Variants in SEMA5B observed in about 807,000 individuals in gnomAD.
The protein encoded by SEMA5B is semaphorin 5B.
In SEMA5B, 66 loss-of-function variants were observed where a neutral mutation model predicts 135.0. The observed-to-expected ratio is 0.49, with a 90% confidence interval of 0.40 to 0.60. The LOEUF is 0.60. SEMA5B is among the 20% of genes least tolerant of loss of function. The probability of loss-of-function intolerance (pLI) is 0.00; values close to 1 mark genes in which losing one functional copy is unlikely to be tolerated. For synonymous variants in SEMA5B, 690 were observed against 639.5 expected (o/e 1.08, Z -1.19); for missense variants, 1,501 against 1,566.3 (o/e 0.96, Z 0.70).
intron 3 of SEMA5B, among the ~76,000 whole-genome samples, chr3:122,946,630 C>T (rs1015863503): frequency 9.9e-5 from 15 of 152,114 alleles, no homozygotes; most frequent in African/African-American, 3.6e-4. Flanking sequence ...GGTCCAGGAC[C>T]AGAACCAGTA....
intron 1 of SEMA5B, among the ~76,000 whole-genome samples, chr3:123,005,724 G>T (rs1382546052): frequency 6.6e-6 from 1 of 152,172 alleles, no homozygotes; most frequent in East Asian, 1.9e-4. Context: ...GCCTGAGGGG[G>T]TCATTTGAGC....
At position 122,911,986 on chromosome 3, in the gene SEMA5B, G is replaced by A. The variant is rs368580014; in HGVS notation, c.2980C>T (p.Pro994Ser). Reference protein sequence around the residue: ...SRSRHCEELLPGSSACAGNSS... With the variant: ...SRSRHCEELLSGSSACAGNSS... The stretch of plus-strand genomic sequence containing the variant: ...TTTCCAGCACAGGCGCTGGACCCTG[G>A]GAGGAGCTCCTCACAGTGCCGGCTT... The change falls in exon 20 of 23, where the codon CCA (proline) becomes TCA (serine). Residue 994 changes from proline (P) to serine (S), a missense_variant. Pro to Ser is a moderately conservative substitution (Grantham distance 74). Around this residue, in one of 2 missense-constraint regions of SEMA5B, gnomAD observed 927 missense variants for 881.6 expected, o/e 1.05. Transcript: ENST00000357599. 9 of 1,613,282 alleles carry A rather than the reference G, an allele frequency of 5.6e-6. No individual in the cohort carries two copies. In the African/African-American group the frequency reaches 9.3e-5, roughly 17 times the overall value.
intron 1 of SEMA5B, among the ~76,000 whole-genome samples, chr3:122,997,832 C>A (rs1355009900): frequency 6.6e-6 from 1 of 152,184 alleles, no homozygotes; most frequent in Non-Finnish European, 1.5e-5. Context: ...CCAGGAGACC[C>A]TGCCCCTGCC....
At chr3:122,984,398 G>A (rs1196530499) in intron 1 of SEMA5B, among the ~76,000 whole-genome samples, 1 of 152,214 alleles carries the variant, frequency 6.6e-6, no homozygotes, top group African/African-American at 2.4e-5. Context: ...GAGCATCTGG[G>A]TTTGCCACTA....
At chr3:122,925,977 G>A (rs1219348999) in intron 9 of SEMA5B, among the ~76,000 whole-genome samples, 2 of 152,188 alleles carry the variant, frequency 1.3e-5, no homozygotes, top group African/African-American at 4.8e-5. Flanking sequence ...GGTGATGGCA[G>A]GGTTACCAGA....
At chr3:123,017,080 A>T (rs1344253246) in intron 1 of SEMA5B, among the ~76,000 whole-genome samples, 3 of 151,510 alleles carry the variant, frequency 2.0e-5, no homozygotes, top group Non-Finnish European at 4.4e-5. Flanking sequence ...TTTAGTGGAG[A>T]TGGGGTTTCA....
intron 12 of SEMA5B, 39 bp downstream of exon 12, chr3:122,921,876 C>T (rs573112308): frequency 8.7e-6 from 13 of 1,490,820 alleles, no homozygotes; most frequent in South Asian, 3.8e-5. Context: ...GCGCCTCCTC[C>T]GCAGTGGAGG....
At chr3:122,966,560 A>ATTTTTTTTTTTTTT (rs1307061116) in intron 1 of SEMA5B, among the ~76,000 whole-genome samples, 1 of 137,638 alleles carries the variant, frequency 7.3e-6, no homozygotes, top group Non-Finnish European at 1.5e-5. Flanking sequence ...TATTATTATT[A>ATTTTTTTTTTTTTT]TTATTATTTT....
Position 122,924,949 on chromosome 3 carries a change from G to A in SEMA5B, c.1137-1197C>T, listed in dbSNP as rs1045836231. On this transcript the variant is annotated intron_variant, in intron 9 of 22. Transcript: ENST00000357599. The stretch of plus-strand genomic sequence containing the variant: ...CACCCTGTTTAAGCTTTTAAAGGCT[G>A]AACCATGTCTGCTTTTGTGACGCCG... Among the ~76,000 whole-genome samples, 4 of 152,334 alleles carry A rather than the reference G, an allele frequency of 2.6e-5. No individual in the cohort carries two copies. The East Asian group carries it at 7.7e-4, about 29-fold the overall frequency.
At chr3:122,969,545 G>A (rs1013276688) in intron 1 of SEMA5B, among the ~76,000 whole-genome samples, 27 of 152,230 alleles carry the variant, frequency 1.8e-4, no homozygotes, top group Non-Finnish European at 3.1e-4. Flanking sequence ...GCCTCTGATC[G>A]TAATTCTCTA....
At chr3:122,987,049 G>A (rs1161566026) in intron 1 of SEMA5B, among the ~76,000 whole-genome samples, 2 of 152,316 alleles carry the variant, frequency 1.3e-5, no homozygotes, top group Middle Eastern at 3.4e-3. Context: ...GAAAGGCCAG[G>A]AAAGGTCTCA....
At chr3:122,988,092 C>T (rs1421849291) in intron 1 of SEMA5B, among the ~76,000 whole-genome samples, 1 of 152,126 alleles carries the variant, frequency 6.6e-6, no homozygotes, top group African/African-American at 2.4e-5. Flanking sequence ...CTGCTGGCCC[C>T]CAGCCACAGA....
chr3:122,973,987 C>T (rs7637300), intron 1 of SEMA5B, among the ~76,000 whole-genome samples: 2,062 of 152,310 alleles, frequency 0.014, 36 homozygotes, highest in African/African-American at 0.047. Context: ...CAGGGCACAG[C>T]CTCGGGCCGT....
chr3:123,025,725 C>A (rs969499128), intron 1 of SEMA5B, among the ~76,000 whole-genome samples: 1 of 152,224 alleles, frequency 6.6e-6, no homozygotes, highest in Non-Finnish European at 1.5e-5. Flanking sequence ...AGCCCTGCCC[C>A]GAGTGGTCTA....
chr3:122,911,434 G>A (rs758790797), intron 21 of SEMA5B, 57 bp downstream of exon 21: 10 of 1,581,050 alleles, frequency 6.3e-6, no homozygotes, highest in Non-Finnish European at 7.7e-6. Flanking sequence ...AGACTTTGGA[G>A]TGGGGTGCCG....
At chr3:122,978,155 A>T (rs1309020703) in intron 1 of SEMA5B, among the ~76,000 whole-genome samples, 1 of 152,236 alleles carries the variant, frequency 6.6e-6, no homozygotes, top group African/African-American at 2.4e-5. Context: ...CTCCACCAGC[A>T]CTGGCACTAA....
chr3:122,911,871 A>C, intron 20 of SEMA5B, 49 bp downstream of exon 20: 1 of 1,538,462 alleles, frequency 6.5e-7, no homozygotes, highest in South Asian at 1.2e-5. Flanking sequence ...GGAAGTTGGG[A>C]GTGCAGGCTG....
At chr3:122,954,763 GA>G (rs1940205849) in intron 2 of SEMA5B, among the ~76,000 whole-genome samples, 1 of 150,850 alleles carries the variant, frequency 6.6e-6, no homozygotes, top group African/African-American at 2.4e-5. Context: ...AACTGGAACA[GA>G]AAAATATGGG....
At chr3:122,975,147 C>A (rs1447580947) in intron 1 of SEMA5B, 6 of 152,366 alleles carry the variant, frequency 3.9e-5, no homozygotes, top group Non-Finnish European at 1.5e-5. Context: ...TGCAGGCAGA[C>A]GTGGGCAGCA....
Sources: gnomAD v4.1 joint callset for allele counts (sites outside exome capture counted in the v4.1 genomes callset) on GRCh38, gnomAD v4.1.1 for gene constraint, gnomAD v4.1.1 regional missense constraint, MANE v1.5 for transcripts, NCBI Gene and HGNC (gene_info 2026-07-23, HGNC 2026-07-21) for gene names.